The following MSANTD2 variants were observed in gnomAD, a reference collection of about 807,000 sequenced individuals.
MSANTD2 encodes myb/SANT-like DNA-binding domain-containing protein 2.
In MSANTD2, 19 loss-of-function variants were observed where a neutral mutation model predicts 52.6. The ratio of observed to expected loss-of-function variants is 0.36; its 90% CI spans 0.25 to 0.53. MSANTD2 has a LOEUF of 0.53. Ranked by LOEUF, MSANTD2 falls within the 20% of genes least tolerant of loss-of-function variation. The pLI is 0.91. For missense variants in MSANTD2, 558 were observed against 716.3 expected (o/e 0.78, Z 2.52); for synonymous variants, 291 against 289.7 (o/e 1.00, Z -0.04).
chr11:124,776,534 T>A (rs1403704151), intron 1 of MSANTD2, among the ~76,000 whole-genome samples: 2 of 152,228 alleles, frequency 1.3e-5, no homozygotes, highest in Non-Finnish European at 2.9e-5. Flanking sequence ...CGACCTCAGG[T>A]GATCCGCCCG....
Position 124,774,756 on chromosome 11 carries a change from A to G in MSANTD2, c.729T>C (p.Ser243=), listed in dbSNP as rs751326159. ...DYSQEDWGNH[S]QDLHGYPTDQ... Reference sequence around the variant, plus strand: ...CTGTTGGATAGCCATGGAGATCCTGACTGTGGTTTCCCCAGTCCTCCTGTG... The same window carrying G: ...CTGTTGGATAGCCATGGAGATCCTGGCTGTGGTTTCCCCAGTCCTCCTGTG... Residue 243 remains serine (S), a synonymous_variant, in exon 2 of 4, where the codon AGT becomes AGC. Coordinates refer to ENST00000374979, the MANE Select transcript of MSANTD2 (RefSeq NM_001308027.2). This position sits in a 1 kb window ranked among gnomAD's most constrained non-coding sequence, Gnocchi z 5.1. 1.9e-6 allele frequency: 3 copies of G among 1,614,170 alleles called. No individual in the cohort carries two copies. In the East Asian group the frequency reaches 6.7e-5, roughly 36 times the overall value.
chr11:124,783,890 T>C (rs1945070275), intron 1 of MSANTD2: 1 of 985,248 alleles, frequency 1.0e-6, no homozygotes, highest in African/African-American at 1.7e-5. Context: ...GTGCTTCTCA[T>C]GGACACTCAT....
intron 1 of MSANTD2, among the ~76,000 whole-genome samples, chr11:124,788,013 G>A (rs1945213341): frequency 6.6e-6 from 1 of 151,514 alleles, no homozygotes; most frequent in African/African-American, 2.4e-5. Flanking sequence ...AGGATCACCT[G>A]AGCCTGGGGA....
At chr11:124,790,195 ATAT>A (rs1282221673) in intron 1 of MSANTD2, 1 of 152,250 alleles carries the variant, frequency 6.6e-6, no homozygotes, top group Non-Finnish European at 1.5e-5. Context: ...CTCTCTGGTA[ATAT>A]TGTGAAAAAG....
chr11:124,800,162 G>A lies in MSANTD2; in HGVS notation c.219C>T (p.Arg73=), dbSNP rs1322331650. The A allele has an allele frequency of 2.7e-6, 4 of 1,470,802 alleles. No homozygotes were observed. Among genetic ancestry groups the A allele is most frequent in the Admixed American group, 5.1e-5 (2 of 39,050 alleles). The allele number at this position is 1,470,802 out of a possible 1,614,324, so 91.1% of individuals were successfully genotyped here. ...SGGLGLGLGG[R]SAASSSVSFS... ...AGGAGACCGAGGACGAGGCGGCGCT[G>A]CGGCCCCCCAGCCCCAGCCCGAGAC... Residue 73 remains arginine (R), a synonymous_variant, in exon 1 of 4, where the codon CGC becomes CGT. Transcript: ENST00000374979. This position sits in a 1 kb window ranked among gnomAD's most constrained non-coding sequence, Gnocchi z 4.3.
At chr11:124,776,212 C>T (rs1302539852) in intron 1 of MSANTD2, 1 of 152,238 alleles carries the variant, frequency 6.6e-6, no homozygotes, top group East Asian at 1.9e-4. Flanking sequence ...TGAGATTGCT[C>T]TCCATAAGCC....
intron 3 of MSANTD2, among the ~76,000 whole-genome samples, chr11:124,770,355 G>C (rs1487687937): frequency 1.3e-5 from 2 of 150,646 alleles, no homozygotes; most frequent in Non-Finnish European, 3.0e-5. Context: ...CTGTCACCCA[G>C]GCTGGAATGC....
At chr11:124,775,893 G>C (rs1451609087) in intron 1 of MSANTD2, 1 of 152,088 alleles carries the variant, frequency 6.6e-6, no homozygotes, top group Admixed American at 6.5e-5. Context: ...ACATATTTCT[G>C]ATTATTAGCC....
Position 124,800,218 on chromosome 11 carries a change from C to T in MSANTD2, c.163G>A (p.Ala55Thr). 1 of 1,501,390 alleles carries T rather than the reference C, an allele frequency of 6.7e-7. No individual in the cohort carries two copies. The highest frequency in any genetic ancestry group is 8.9e-7 in the Non-Finnish European group (1 of 1,127,378). The allele number at this position is 1,501,390 out of a possible 1,614,324, so 93.0% of individuals were successfully genotyped here. ...RGASPLGPGSAAGSGAAASGG... is the reference protein window; with the variant it reads ...RGASPLGPGSTAGSGAAASGG... The stretch of plus-strand genomic sequence containing the variant: ...GACGCCGCTGCCCCCGAGCCCGCCG[C>T]ACTGCCCGGCCCGAGCGGGGAGGCA... The change falls in exon 1 of 4, where the codon GCG becomes ACG. Residue 55 changes from alanine (A) to threonine (T), a missense_variant. Physicochemically the swap from Ala to Thr is moderately conservative, Grantham distance 58. Coordinates refer to ENST00000374979, the MANE Select transcript of MSANTD2 (RefSeq NM_001308027.2). This position sits in a 1 kb window ranked among gnomAD's most constrained non-coding sequence, Gnocchi z 4.3.
At position 124,766,734 on chromosome 11, in the gene MSANTD2, T is replaced by C. The variant is rs1195575497; in HGVS notation, c.*442A>G. 5 of 153,760 alleles carry C rather than the reference T, an allele frequency of 3.3e-5. No individual in the cohort carries two copies. The highest frequency in any genetic ancestry group is 1.2e-4 in the African/African-American group (5 of 41,480). The allele number at this position is 153,760 out of a possible 1,614,324, so 9.5% of individuals were successfully genotyped here. On this transcript the variant is annotated 3_prime_UTR_variant, in exon 4 of 4. Coordinates refer to ENST00000374979, the MANE Select transcript of MSANTD2 (RefSeq NM_001308027.2). ...ATTTAACTTGCCATTATCTATTGCT[T>C]ATTTATTCAGGGTTGTAAATATTAC...
At chr11:124,799,830 T>G (rs1202697401) in intron 1 of MSANTD2, 41 bp downstream of exon 1, 2 of 1,493,002 alleles carry the variant, frequency 1.3e-6, no homozygotes, top group Non-Finnish European at 1.8e-6. Context: ...CCGCCTTCTC[T>G]CTGCCTCTGG....
intron 1 of MSANTD2, among the ~76,000 whole-genome samples, chr11:124,785,562 G>A (rs1368137387): frequency 6.6e-5 from 10 of 152,194 alleles, no homozygotes; most frequent in Non-Finnish European, 1.2e-4. Context: ...TTTCAGCACT[G>A]ACCAGTCATT....
rs1255147844 is a variant in MSANTD2, at chr11:124,774,144, T to C, written c.766+575A>G. On this transcript the variant is annotated intron_variant, in intron 2 of 3. Coordinates refer to ENST00000374979, the MANE Select transcript of MSANTD2 (RefSeq NM_001308027.2). This position sits in a 1 kb window ranked among gnomAD's most constrained non-coding sequence, Gnocchi z 5.1. ...TGTTGGGATGCGATCCCTTAAGAAG[T>C]GTGAAGGAACATGATCACACAGTTC... 1.3e-5 allele frequency among the ~76,000 whole-genome samples: 2 copies of C among 152,188 alleles called. No individual in the cohort carries two copies. Among genetic ancestry groups the C allele is most frequent in the African/African-American group, 2.4e-5 (1 of 41,446 alleles).
chr11:124,791,388 A>G (rs1420636569), intron 1 of MSANTD2: 18 of 1,356,292 alleles, frequency 1.3e-5, no homozygotes, highest in Non-Finnish European at 1.8e-5. Flanking sequence ...TACGGGCTAC[A>G]TCATCAAAAC....
rs550328747 is a variant in MSANTD2 at position 124,768,089 on chromosome 11, C to A, written c.828-61G>T. 73 of 1,488,116 alleles carry A rather than the reference C, an allele frequency of 4.9e-5. 2 individuals are homozygous for A. In the South Asian group the frequency reaches 9.4e-4, roughly 19 times the overall value. The allele number at this position is 1,488,116 out of a possible 1,614,324, so 92.2% of individuals were successfully genotyped here. On this transcript the variant is annotated intron_variant, in intron 3 of 3. Coordinates refer to ENST00000374979, the MANE Select transcript of MSANTD2 (RefSeq NM_001308027.2). ...TCTAGAACAGCGGTGTCAGATAGAACTTTCTGTGATGATGGAAATGTTCTG... is the reference window on the plus strand; with the variant it reads ...TCTAGAACAGCGGTGTCAGATAGAAATTTCTGTGATGATGGAAATGTTCTG...
chr11:124,791,560 T>A, intron 1 of MSANTD2: 2 of 1,226,834 alleles, frequency 1.6e-6, no homozygotes, highest in South Asian at 1.2e-5. Context: ...GGGTCACCAA[T>A]GTGACCCTGA....
intron 1 of MSANTD2, among the ~76,000 whole-genome samples, chr11:124,777,172 C>T (rs1944777605): frequency 6.6e-6 from 1 of 152,192 alleles, no homozygotes; most frequent in Non-Finnish European, 1.5e-5. Context: ...TCCAAGAACA[C>T]CCCAACCACT....
In MSANTD2 at chr11:124,774,187, A is replaced by C. The variant is rs1944650516; in HGVS notation, c.766+532T>G. 6.6e-6 allele frequency among the ~76,000 whole-genome samples: 1 copy of C among 152,238 alleles called. No homozygotes were observed. Among genetic ancestry groups the C allele is most frequent in the African/African-American group, 2.4e-5 (1 of 41,464 alleles). On this transcript the variant is annotated intron_variant, in intron 2 of 3. Transcript: ENST00000374979. The surrounding 1 kb of genome is among the most constrained non-coding windows in gnomAD (Gnocchi z 5.1). ...CACAGTTCAAATAACAGCTCTATTCAAGATAAATGGAGGCTTCCCCTCATT... is the reference window on the plus strand; with the variant it reads ...CACAGTTCAAATAACAGCTCTATTCCAGATAAATGGAGGCTTCCCCTCATT...
intron 3 of MSANTD2, among the ~76,000 whole-genome samples, chr11:124,770,869 AT>A (rs1944493422): frequency 6.8e-6 from 1 of 147,634 alleles, no homozygotes; most frequent in South Asian, 2.1e-4. Flanking sequence ...AGTAGCTGGG[AT>A]TACAGGCACC....
Sources: gnomAD v4.1 joint callset for allele counts (sites outside exome capture counted in the v4.1 genomes callset) on GRCh38, gnomAD v4.1.1 for gene constraint, Gnocchi (gnomAD v3.1) non-coding constraint, MANE v1.5 for transcripts, NCBI Gene and HGNC (gene_info 2026-07-23, HGNC 2026-07-21) for gene names.